The following CPNE4 variants were observed in gnomAD, a reference collection of about 807,000 sequenced individuals.
The protein encoded by CPNE4 is copine-4.
CPNE4 carries 25 observed loss-of-function variants against 67.9 expected under a neutral mutation model. That is an observed-to-expected ratio of 0.37 (90% CI 0.27 to 0.51). CPNE4 has a LOEUF of 0.51. Ranked by LOEUF, CPNE4 falls within the 20% of genes least tolerant of loss-of-function variation. The pLI is 0.93. For missense variants in CPNE4, 464 were observed against 690.8 expected (o/e 0.67, Z 3.68); for synonymous variants, 242 against 244.9 (o/e 0.99, Z 0.11).
rs545106404 is a variant in CPNE4 at position 131,742,891 on chromosome 3, T to A, written c.181-19266A>T. The stretch of plus-strand genomic sequence containing the variant: ...TATTTGGGAAAAGTATAGCCTTAAA[T>A]GCCTTTACTACTAAAGAAGGAAGAC... On this transcript the variant is annotated intron_variant, in intron 2 of 15. Transcript: ENST00000429747. Among the ~76,000 whole-genome samples, 3 of 152,228 alleles carry A rather than the reference T, an allele frequency of 2.0e-5. 1 individual carries two copies. The South Asian group carries it at 6.2e-4, about 32-fold the overall frequency.
At chr3:131,636,597 G>A (rs2079392912) in intron 7 of CPNE4, among the ~76,000 whole-genome samples, 1 of 152,134 alleles carries the variant, frequency 6.6e-6, no homozygotes, top group African/African-American at 2.4e-5. Context: ...TCTCTTGGAA[G>A]CTCTGTGGCC....
intron 7 of CPNE4, among the ~76,000 whole-genome samples, chr3:131,657,696 A>G (rs2080011643): frequency 8.2e-6 from 1 of 122,040 alleles, no homozygotes; most frequent in African/African-American, 3.2e-5. Flanking sequence ...CACCACGTCC[A>G]GCTAATTTTG....
chr3:131,703,083 G>A (rs529882189), intron 3 of CPNE4, among the ~76,000 whole-genome samples: 1 of 152,288 alleles, frequency 6.6e-6, no homozygotes, highest in East Asian at 1.9e-4. Flanking sequence ...AAGCCCAACT[G>A]GAGCAGTGAT....
chr3:131,818,091 C>G (rs1356751192), intron 2 of CPNE4, among the ~76,000 whole-genome samples: 1 of 152,198 alleles, frequency 6.6e-6, no homozygotes, highest in Non-Finnish European at 1.5e-5. Flanking sequence ...AAATGGTCAT[C>G]TGATGAGTCA....
At chr3:131,943,688 A>G (rs2071466590) in intron 1 of CPNE4, among the ~76,000 whole-genome samples, 1 of 152,058 alleles carries the variant, frequency 6.6e-6, no homozygotes, top group Admixed American at 6.6e-5. Flanking sequence ...TGCAGCATCC[A>G]TCAGAAGTTA....
chr3:131,810,632 C>A (rs1298812171), intron 2 of CPNE4, among the ~76,000 whole-genome samples: 4 of 152,044 alleles, frequency 2.6e-5, no homozygotes, highest in Non-Finnish European at 5.9e-5. Flanking sequence ...ATGGAGAGTT[C>A]TAACAAATTA....
chr3:131,606,365 G>C (rs1939503467), intron 7 of CPNE4, among the ~76,000 whole-genome samples: 2 of 152,174 alleles, frequency 1.3e-5, no homozygotes, highest in Admixed American at 1.3e-4. Flanking sequence ...GGAGAAATTA[G>C]CTACTCCTAA....
chr3:131,980,485 A>G (rs2072877956), intron 1 of CPNE4, among the ~76,000 whole-genome samples: 1 of 151,940 alleles, frequency 6.6e-6, no homozygotes, highest in Admixed American at 6.6e-5. Flanking sequence ...GTTCAATTCT[A>G]TTGCTGAGAC....
chr3:131,673,461 C>T (rs1011502746), intron 6 of CPNE4, among the ~76,000 whole-genome samples: 1 of 151,688 alleles, frequency 6.6e-6, no homozygotes, highest in African/African-American at 2.4e-5. Flanking sequence ...TTTTCTAATC[C>T]CTGAACATGG....
chr3:132,031,324 TTTTG>T (rs2074229796), intron 1 of CPNE4, among the ~76,000 whole-genome samples: 1 of 152,214 alleles, frequency 6.6e-6, no homozygotes, highest in South Asian at 2.1e-4. Context: ...CTGCAAAGGT[TTTTG>T]TTTTTCTTTT....
intron 1 of CPNE4, among the ~76,000 whole-genome samples, chr3:131,990,486 G>A (rs1367358067): frequency 7.4e-6 from 1 of 134,788 alleles, no homozygotes; most frequent in African/African-American, 2.5e-5. Flanking sequence ...CCTGCCCCCA[G>A]TAAACACAAT....
intron 2 of CPNE4, among the ~76,000 whole-genome samples, chr3:131,748,902 T>TCAAA (rs57419766): frequency 0.66 from 99,985 of 151,872 alleles, 33,773 homozygotes; most frequent in African/African-American, 0.79. Flanking sequence ...ATTGATTTTT[T>TCAAA]CAAACAATTC....
intron 2 of CPNE4, among the ~76,000 whole-genome samples, chr3:131,858,470 G>A (rs992200815): frequency 4.6e-5 from 7 of 152,092 alleles, no homozygotes; most frequent in Admixed American, 1.3e-4. Flanking sequence ...ATGAGATAGT[G>A]TTTGATATTT....
At chr3:131,823,031 G>A (rs2085018829) in intron 2 of CPNE4, among the ~76,000 whole-genome samples, 1 of 152,084 alleles carries the variant, frequency 6.6e-6, no homozygotes, top group African/African-American at 2.4e-5. Context: ...AATAGAGACA[G>A]GGTTTCACCG....
intron 1 of CPNE4, among the ~76,000 whole-genome samples, chr3:131,996,120 G>C (rs2073286038): frequency 6.6e-6 from 1 of 152,188 alleles, no homozygotes; most frequent in African/African-American, 2.4e-5. Context: ...AATTGGCTGT[G>C]ACTCATCCAT....
intron 3 of CPNE4, among the ~76,000 whole-genome samples, chr3:131,706,657 A>T (rs922935605): frequency 6.6e-6 from 1 of 152,182 alleles, no homozygotes; most frequent in African/African-American, 2.4e-5. Context: ...GACCAGCATT[A>T]ACATCAACAT....
At chr3:131,943,544 T>A (rs2071462005) in intron 1 of CPNE4, among the ~76,000 whole-genome samples, 1 of 152,106 alleles carries the variant, frequency 6.6e-6, no homozygotes, top group South Asian at 2.1e-4. Context: ...TTACTTCTTA[T>A]TCAAAAGCTC....
intron 6 of CPNE4, among the ~76,000 whole-genome samples, chr3:131,682,804 A>G (rs1583015637): frequency 6.6e-6 from 1 of 151,920 alleles, no homozygotes; most frequent in South Asian, 2.1e-4. Context: ...TTAGGACTCT[A>G]CCTCATGCTC....
intron 2 of CPNE4, among the ~76,000 whole-genome samples, chr3:131,822,438 T>G (rs1583269790): frequency 6.6e-6 from 1 of 152,216 alleles, no homozygotes; most frequent in East Asian, 1.9e-4. Context: ...ATTTTCTCTT[T>G]TTTCTCCTTT....
Sources: allele counts gnomAD v4.1 joint callset (sites outside exome capture counted in the v4.1 genomes callset), GRCh38; gene constraint gnomAD v4.1.1; transcripts MANE v1.5; gene names NCBI Gene and HGNC (gene_info 2026-07-23, HGNC 2026-07-21).